Variants in CD200R1L observed in about 807,000 individuals in gnomAD.
CD200R1L encodes the protein CD200 receptor 1 like, also known as cell surface glycoprotein CD200 receptor 2.
Under a neutral mutation model 24.8 loss-of-function variants are expected in CD200R1L, and 14 were observed. That is an observed-to-expected ratio of 0.56 (90% CI 0.37 to 0.88). CD200R1L has a LOEUF of 0.88. Among genes scored for constraint, CD200R1L ranks in the 40% least tolerant of loss-of-function variants. The pLI, the probability that CD200R1L is intolerant of heterozygous loss-of-function variation, is 0.00. For synonymous variants in CD200R1L, 111 were observed against 109.2 expected (o/e 1.02, Z -0.11); for missense variants, 299 against 297.8 (o/e 1.00, Z -0.03).
At chr3:112,820,574 G>A (rs1312380098) in intron 6 of CD200R1L, among the ~76,000 whole-genome samples, 2 of 151,988 alleles carry the variant, frequency 1.3e-5, no homozygotes, top group East Asian at 3.9e-4. Context: ...AGGATTACAG[G>A]CATGCACCAC....
chr3:112,838,809 C>T lies in CD200R1L; in HGVS notation c.-86-799G>A, dbSNP rs564160640. Among the ~76,000 whole-genome samples, 6 of 152,152 alleles carry T rather than the reference C, an allele frequency of 3.9e-5. No homozygotes were observed. The South Asian group carries it at 1.2e-3, about 32-fold the overall frequency. ...GTATTTTGTATGTGATTAATAACTA[C>T]AATCAGTTGATTTTAAGTAAAGGAG... On this transcript the variant is annotated intron_variant, in intron 2 of 7. Transcript: ENST00000488794.
chr3:112,831,053 C>T (rs1298413477), intron 3 of CD200R1L, among the ~76,000 whole-genome samples: 1 of 152,128 alleles, frequency 6.6e-6, no homozygotes, highest in Admixed American at 6.5e-5. Context: ...GTTGACTAAA[C>T]AAAGCATCTC....
At chr3:112,820,046 C>G in intron 6 of CD200R1L, 151 bp from the exon 7 acceptor site, 1 of 655,984 alleles carries the variant, frequency 1.5e-6, no homozygotes, top group Non-Finnish European at 2.4e-6. Flanking sequence ...TCAAATGTTA[C>G]TAATATACCA....
chr3:112,831,530 G>C (rs988402275), intron 3 of CD200R1L, among the ~76,000 whole-genome samples: 1 of 152,104 alleles, frequency 6.6e-6, no homozygotes, highest in African/African-American at 2.4e-5. Flanking sequence ...GATCTTATTT[G>C]AAAATAAAAT....
rs887279968 is a variant in CD200R1L, at chr3:112,836,647, T to C, written c.-18+1295A>G. On this transcript the variant is annotated intron_variant, in intron 3 of 7. Transcript: ENST00000488794. ...ATTTGCCAAACACCTTTTTGACATATACTGAACAGTTTGTGAGATTCTTTT... is the reference window on the plus strand; with the variant it reads ...ATTTGCCAAACACCTTTTTGACATACACTGAACAGTTTGTGAGATTCTTTT... Among the ~76,000 whole-genome samples the C allele has an allele frequency of 4.6e-5, 7 of 152,334 alleles. 1 individual carries two copies. Among genetic ancestry groups the C allele is most frequent in the Non-Finnish European group, 7.4e-5 (5 of 68,022 alleles).
At chr3:112,835,990 AGGT>A (rs1280619488) in intron 3 of CD200R1L, among the ~76,000 whole-genome samples, 2 of 152,250 alleles carry the variant, frequency 1.3e-5, no homozygotes, top group African/African-American at 4.8e-5. Flanking sequence ...GGCAAAGAGC[AGGT>A]GGCATGGTGG....
intron 2 of CD200R1L, among the ~76,000 whole-genome samples, chr3:112,838,753 A>G (rs1257035943): frequency 6.6e-6 from 1 of 152,172 alleles, no homozygotes; most frequent in African/African-American, 2.4e-5. Flanking sequence ...CAATCATTCA[A>G]TCAAACACTA....
In CD200R1L at chr3:112,835,895, C is replaced by T. The variant is rs893313046; in HGVS notation, c.-18+2047G>A. On this transcript the variant is annotated intron_variant, in intron 3 of 7. Transcript: ENST00000488794. ...TGCCAACTTAGAAGCGGCAGGCCTC[C>T]CACTTGTTCCCAGCTCCTGTTGGCT... Among the ~76,000 whole-genome samples the T allele has an allele frequency of 2.6e-5, 4 of 152,362 alleles. No homozygotes were observed. In the East Asian group the frequency reaches 5.8e-4, roughly 22 times the overall value.
intron 2 of CD200R1L, among the ~76,000 whole-genome samples, chr3:112,840,491 T>A (rs1053733535): frequency 6.6e-6 from 1 of 152,192 alleles, no homozygotes; most frequent in Non-Finnish European, 1.5e-5. Context: ...GTAATGGTGC[T>A]AACACATTCA....
chr3:112,830,015 G>C (rs112834488), intron 3 of CD200R1L, among the ~76,000 whole-genome samples: 2 of 152,124 alleles, frequency 1.3e-5, no homozygotes, highest in Admixed American at 1.3e-4. Context: ...CCCCCTGCGG[G>C]GTCCAGGAGA....
intron 3 of CD200R1L, among the ~76,000 whole-genome samples, chr3:112,836,171 A>G (rs1349545075): frequency 6.6e-6 from 1 of 152,172 alleles, no homozygotes; most frequent in Non-Finnish European, 1.5e-5. Flanking sequence ...GCCATGCGAG[A>G]CTGGGGGTAG....
At chr3:112,835,780 G>C (rs1363586445) in intron 3 of CD200R1L, among the ~76,000 whole-genome samples, 1 of 152,232 alleles carries the variant, frequency 6.6e-6, no homozygotes, top group Non-Finnish European at 1.5e-5. Context: ...AGTCTGGAGG[G>C]GGCCAAGGTG....
intron 2 of CD200R1L, among the ~76,000 whole-genome samples, chr3:112,843,624 C>A (rs868075906): frequency 6.6e-6 from 1 of 152,150 alleles, no homozygotes; most frequent in Non-Finnish European, 1.5e-5. Flanking sequence ...TAAGACATAG[C>A]CCTATAAAGA....
chr3:112,831,967 G>C (rs1483660813), intron 3 of CD200R1L, among the ~76,000 whole-genome samples: 1 of 152,104 alleles, frequency 6.6e-6, no homozygotes, highest in Non-Finnish European at 1.5e-5. Flanking sequence ...TCAGTAGAAA[G>C]GCAAATAACA....
intron 4 of CD200R1L, among the ~76,000 whole-genome samples, chr3:112,828,249 G>C (rs777465986): frequency 4.6e-5 from 7 of 152,174 alleles, no homozygotes; most frequent in African/African-American, 1.7e-4. Flanking sequence ...TTTCATTAAA[G>C]GTAACTAATA....
intron 3 of CD200R1L, among the ~76,000 whole-genome samples, chr3:112,835,175 G>A (rs1429504272): frequency 6.6e-6 from 1 of 152,208 alleles, no homozygotes; most frequent in Non-Finnish European, 1.5e-5. Context: ...AGTGGAGGGC[G>A]AGCAAGGTTA....
intron 2 of CD200R1L, among the ~76,000 whole-genome samples, chr3:112,844,797 G>A (rs1342245553): frequency 1.3e-5 from 2 of 152,036 alleles, no homozygotes; most frequent in African/African-American, 4.8e-5. Context: ...GGTGGCGGGT[G>A]CCTGTAATCC....
chr3:112,822,003 T>C (rs1195275526), intron 6 of CD200R1L, among the ~76,000 whole-genome samples: 2 of 152,200 alleles, frequency 1.3e-5, no homozygotes, highest in African/African-American at 2.4e-5. Context: ...GAATGGAATA[T>C]GTAGAGATGA....
chr3:112,837,700 C>G (rs1485513680), intron 3 of CD200R1L, among the ~76,000 whole-genome samples: 1 of 151,802 alleles, frequency 6.6e-6, no homozygotes, highest in African/African-American at 2.4e-5. Context: ...ATGTAGACTA[C>G]TTGAAGGTGC....
Sources: gnomAD v4.1 joint callset for allele counts (sites outside exome capture counted in the v4.1 genomes callset) on GRCh38, gnomAD v4.1.1 for gene constraint, MANE v1.5 for transcripts, NCBI Gene and HGNC (gene_info 2026-07-23, HGNC 2026-07-21) for gene names.